The following TSPEAR variants were observed in gnomAD, a reference collection of about 807,000 sequenced individuals.
TSPEAR encodes thrombospondin type laminin G domain and EAR repeats.
TSPEAR carries 69 observed loss-of-function variants against 71.6 expected under a neutral mutation model. The observed-to-expected ratio is 0.96, with a 90% CI of 0.79 to 1.18. The LOEUF is 1.18. TSPEAR is among the 50% of genes most tolerant of loss of function. The pLI, the probability that TSPEAR is intolerant of heterozygous loss-of-function variation, is 0.00. For missense variants in TSPEAR, 971 were observed against 894.9 expected (o/e 1.09, Z -1.09); for synonymous variants, 402 against 387.2 (o/e 1.04, Z -0.45).
chr21:44,628,463 G>C (rs1358755276), intron 1 of TSPEAR, among the ~76,000 whole-genome samples: 5 of 151,914 alleles, frequency 3.3e-5, no homozygotes, highest in Admixed American at 2.0e-4. Flanking sequence ...GGGCCCCGTG[G>C]ATCTCTTTAC....
rs369804267 is a variant in TSPEAR, at chr21:44,647,495, G to A, written c.82+63938C>T. 88 of 1,028,002 alleles carry A rather than the reference G, an allele frequency of 8.6e-5. 2 individuals carry two copies. Among genetic ancestry groups the A allele is most frequent in the South Asian group, 7.5e-4 (45 of 59,886 alleles). 63.7% of individuals were successfully genotyped at this position (1,028,002 alleles called of 1,614,324 possible). On this transcript the variant is annotated intron_variant, in intron 1 of 11. Transcript: ENST00000323084. ...GCTGCCTGAAGGGGATTTTGAGCGC[G>A]TCACACTTTCCTCCCCACTGTCTGG...
chr21:44,560,311 T>TA lies in TSPEAR; in HGVS notation c.303+7473dup, dbSNP rs368704827. Among the ~76,000 whole-genome samples, 8 of 152,212 alleles carry TA rather than the reference T, an allele frequency of 5.3e-5. No homozygotes were observed. The East Asian group carries it at 1.5e-3, about 29-fold the overall frequency. ...ATCCTAAATATATATGCACCAAATATAAAAGCACCCAGTTTCATAAAACAA... is the reference window on the plus strand; with the variant it reads ...ATCCTAAATATATATGCACCAAATATAAAAAGCACCCAGTTTCATAAAACAA... On this transcript the variant is annotated intron_variant, in intron 2 of 11. Transcript: ENST00000323084.
intron 1 of TSPEAR, among the ~76,000 whole-genome samples, chr21:44,708,801 G>A (rs1988069231): frequency 6.6e-6 from 1 of 152,220 alleles, no homozygotes; most frequent in South Asian, 2.1e-4. Context: ...CACTTGCTCC[G>A]GGCAGAGCTG....
chr21:44,638,271 G>A lies in TSPEAR; in HGVS notation c.83-70266C>T, dbSNP rs369829694. ...TCTCTGGCTTTGACACCCTCAGAAG[G>A]TGGGGCAGGCTCTTTGTCTTGGGGA... On this transcript the variant is annotated intron_variant, in intron 1 of 11. Coordinates refer to ENST00000323084, the MANE Select transcript of TSPEAR (RefSeq NM_144991.3). 9,689 of 1,484,136 alleles carry A rather than the reference G, an allele frequency of 6.5e-3. 94 individuals are homozygous for A. Among genetic ancestry groups the A allele is most frequent in the Middle Eastern group, 0.037 (159 of 4,342 alleles). 91.9% of individuals were successfully genotyped at this position (1,484,136 alleles called of 1,614,324 possible).
intron 1 of TSPEAR, among the ~76,000 whole-genome samples, chr21:44,613,591 G>A (rs782286900): frequency 4.6e-5 from 7 of 152,216 alleles, no homozygotes; most frequent in African/African-American, 7.2e-5. Flanking sequence ...CCGCCCGCCC[G>A]AGGGTTCTGC....
chr21:44,681,793 C>T, intron 1 of TSPEAR: 3 of 1,576,746 alleles, frequency 1.9e-6, no homozygotes, highest in South Asian at 2.4e-5. Context: ...ACAGGTGTGG[C>T]CTCATCTGCA....
At chr21:44,650,155 G>T (rs1012123041) in intron 1 of TSPEAR, among the ~76,000 whole-genome samples, 2 of 152,052 alleles carry the variant, frequency 1.3e-5, no homozygotes, top group Non-Finnish European at 2.9e-5. Flanking sequence ...GGTCAAGGCT[G>T]CAGTGAGCCG....
At chr21:44,627,404 C>A in intron 1 of TSPEAR, 1 of 1,613,812 alleles carries the variant, frequency 6.2e-7, no homozygotes. Flanking sequence ...TGCACGCCCT[C>A]GTGCTGCCAG....
chr21:44,563,461 G>C (rs2053665151), intron 2 of TSPEAR, among the ~76,000 whole-genome samples: 1 of 152,002 alleles, frequency 6.6e-6, no homozygotes, highest in South Asian at 2.1e-4. Context: ...GTAAACCCCA[G>C]AGCAAACACT....
intron 1 of TSPEAR, among the ~76,000 whole-genome samples, chr21:44,607,348 G>C (rs1217232757): frequency 1.3e-5 from 2 of 152,324 alleles, no homozygotes; most frequent in South Asian, 2.1e-4. Context: ...AAAGTGCTGG[G>C]ATTACAGGGC....
At chr21:44,502,710 G>A (rs956565134) in intron 11 of TSPEAR, among the ~76,000 whole-genome samples, 3 of 152,270 alleles carry the variant, frequency 2.0e-5, no homozygotes, top group South Asian at 2.1e-4. Flanking sequence ...TGCAGCCAGC[G>A]CCGGGCCATC....
At chr21:44,518,342 G>A (rs1371683403) in intron 9 of TSPEAR, 5 of 461,152 alleles carry the variant, frequency 1.1e-5, no homozygotes, top group Admixed American at 2.5e-5. Flanking sequence ...GGTACGCTCT[G>A]GGGCACTGGG....
At chr21:44,629,012 G>A (rs1394556743) in intron 1 of TSPEAR, among the ~76,000 whole-genome samples, 3 of 152,160 alleles carry the variant, frequency 2.0e-5, no homozygotes, top group Non-Finnish European at 4.4e-5. Flanking sequence ...GTGTGGGAAT[G>A]TGTCCAGACC....
At chr21:44,518,410 G>A (rs782143738) in intron 9 of TSPEAR, 5 of 411,548 alleles carry the variant, frequency 1.2e-5, no homozygotes, top group Non-Finnish European at 2.5e-5. Flanking sequence ...TGGACTTGGT[G>A]TTATCACAGG....
intron 1 of TSPEAR, among the ~76,000 whole-genome samples, chr21:44,578,795 G>T (rs782410810): frequency 4.6e-5 from 7 of 152,130 alleles, no homozygotes; most frequent in Non-Finnish European, 8.8e-5. Context: ...GTCTCAGCAG[G>T]GCCTTGTCCA....
intron 2 of TSPEAR, 62 bp from the exon 3 acceptor site, chr21:44,533,985 G>T: frequency 1.6e-6 from 2 of 1,251,462 alleles, no homozygotes; most frequent in Non-Finnish European, 2.3e-6. Flanking sequence ...CGGGGGCAGG[G>T]CAGATGGGAA....
At chr21:44,540,708 A>T (rs2053205810) in intron 2 of TSPEAR, among the ~76,000 whole-genome samples, 2 of 152,202 alleles carry the variant, frequency 1.3e-5, no homozygotes, top group Non-Finnish European at 2.9e-5. Flanking sequence ...GGCCCTGCAC[A>T]TTCCTTCCCC....
chr21:44,501,326 T>G (rs2052025498), intron 11 of TSPEAR, among the ~76,000 whole-genome samples: 1 of 152,058 alleles, frequency 6.6e-6, no homozygotes, highest in Admixed American at 6.6e-5. Context: ...CTAGGCGCAG[T>G]GGCTCATGCC....
At chr21:44,653,392 A>C (rs1296740836) in intron 1 of TSPEAR, among the ~76,000 whole-genome samples, 1 of 152,066 alleles carries the variant, frequency 6.6e-6, no homozygotes, top group Admixed American at 6.5e-5. Context: ...AGCCTCTGAC[A>C]GGGCTGCCCC....
Sources: allele counts gnomAD v4.1 joint callset (sites outside exome capture counted in the v4.1 genomes callset), GRCh38; gene constraint gnomAD v4.1.1; transcripts MANE v1.5; gene names NCBI Gene and HGNC (gene_info 2026-07-23, HGNC 2026-07-21).